The following CBLN2 variants were observed in gnomAD, a reference collection of about 807,000 sequenced individuals.
CBLN2 encodes the protein cerebellin-2.
In CBLN2, 7 loss-of-function variants were observed where a neutral mutation model predicts 15.0. The observed-to-expected ratio is 0.47, with a 90% confidence interval of 0.27 to 0.88. CBLN2 has a LOEUF of 0.88. CBLN2 is among the 40% of genes least tolerant of loss of function. The probability of loss-of-function intolerance (pLI) is 0.14; values close to 1 mark genes in which losing one functional copy is unlikely to be tolerated. For synonymous variants in CBLN2, 149 were observed against 135.2 expected (o/e 1.10, Z -0.71); for missense variants, 242 against 304.5 (o/e 0.79, Z 1.53).
chr18:72,627,850 A>G (rs1443918296), intron 1 of CBLN2, among the ~76,000 whole-genome samples: 1 of 152,218 alleles, frequency 6.6e-6, no homozygotes, highest in East Asian at 1.9e-4. Flanking sequence ...TCTTATATGT[A>G]TAGCTTCAGA....
chr18:72,606,318 A>C (rs1286580410), intron 1 of CBLN2, among the ~76,000 whole-genome samples: 1 of 152,168 alleles, frequency 6.6e-6, no homozygotes, highest in African/African-American at 2.4e-5. Context: ...TTTTCCACTA[A>C]TGTAGAACAG....
At position 72,541,797 on chromosome 18, in the gene CBLN2, G is replaced by A. The variant is rs765376241; in HGVS notation, c.357+7C>T. ...CTGGGGGCGGGGTGGGCAGGCCGAC[G>A]GCTGACCTGGTCGAAATAGATGGTC... is the stretch of plus-strand genomic sequence containing the variant. On this transcript the variant is annotated splice_region_variant and intron_variant, in intron 3 of 4. Coordinates refer to ENST00000269503, the MANE Select transcript of CBLN2 (RefSeq NM_182511.4). The A allele has an allele frequency of 5.9e-6, 9 of 1,532,404 alleles. No homozygotes were observed. The highest frequency in any genetic ancestry group is 1.8e-5 in the Admixed American group (1 of 54,782). The allele number at this position is 1,532,404 out of a possible 1,614,324, so 94.9% of individuals were successfully genotyped here.
At position 72,542,161 on chromosome 18, in the gene CBLN2, C is replaced by A. The variant is rs571955202; in HGVS notation, c.-1G>T. On this transcript the variant is annotated 5_prime_UTR_variant, in exon 3 of 5. Coordinates refer to ENST00000269503, the MANE Select transcript of CBLN2 (RefSeq NM_182511.4). ...GTGGCCCCCGGCCGGGCGCCTGCAT[C>A]GGGACTGGTGGGAGGCGGCGCGCGG... The A allele has an allele frequency of 7.7e-7, 1 of 1,296,740 alleles. No homozygotes were observed. The highest frequency in any genetic ancestry group is 1.6e-5 in the African/African-American group (1 of 63,988). 80.3% of individuals were successfully genotyped at this position (1,296,740 alleles called of 1,614,324 possible).
At chr18:72,589,434 G>A (rs76733757) in intron 1 of CBLN2, among the ~76,000 whole-genome samples, 9,562 of 152,232 alleles carry the variant, frequency 0.063, 293 homozygotes, top group East Asian at 0.093. Context: ...TAACCCTGGA[G>A]TTTGGGATAG....
chr18:72,562,902 A>AAAG (rs2069270828), intron 1 of CBLN2, among the ~76,000 whole-genome samples: 1 of 152,246 alleles, frequency 6.6e-6, no homozygotes, highest in Admixed American at 6.5e-5. Context: ...GTTTTAAACT[A>AAAG]CAGGAAATTG....
rs1170150316 is a variant in CBLN2 at position 72,543,594 on chromosome 18, C to G, written c.-211-64G>C. On this transcript the variant is annotated intron_variant, in intron 1 of 4. Coordinates refer to ENST00000269503, the MANE Select transcript of CBLN2 (RefSeq NM_182511.4). This position sits in a 1 kb window ranked among gnomAD's most constrained non-coding sequence, Gnocchi z 6.8. Reference sequence around the variant, plus strand: ...GGAGGACACGGAGCGCGACCCTGCTCCCAGCGCGTGGCCAATAACCGCGCC... The same window carrying G: ...GGAGGACACGGAGCGCGACCCTGCTGCCAGCGCGTGGCCAATAACCGCGCC... 5.1e-6 allele frequency: 2 copies of G among 395,700 alleles called. No homozygotes were observed. The highest frequency in any genetic ancestry group is 4.1e-5 in the African/African-American group (2 of 48,518). The allele number at this position is 395,700 out of a possible 1,614,324, so 24.5% of individuals were successfully genotyped here.
Position 72,636,142 on chromosome 18 carries a change from C to A in CBLN2, c.15+2183G>T, listed in dbSNP as rs116735477. Among the ~76,000 whole-genome samples the A allele has an allele frequency of 4.0e-3, 608 of 152,210 alleles. 4 individuals are homozygous for A. The highest frequency in any genetic ancestry group is 0.014 in the African/African-American group (572 of 41,548). ...TTAATCTTTGGACATTTACATTATC[C>A]AAATTCAAATTTAATTTTCTTTATA... On this transcript the variant is annotated intron_variant, in intron 1 of 2. Transcript: ENST00000581073.
intron 1 of CBLN2, among the ~76,000 whole-genome samples, chr18:72,630,108 T>G (rs1388960545): frequency 6.6e-6 from 1 of 152,184 alleles, no homozygotes; most frequent in Non-Finnish European, 1.5e-5. Context: ...TTACCATGGC[T>G]TCATACGCTT....
chr18:72,574,639 C>A (rs2069353181), intron 1 of CBLN2, among the ~76,000 whole-genome samples: 1 of 152,054 alleles, frequency 6.6e-6, no homozygotes, highest in Admixed American at 6.6e-5. Flanking sequence ...TATATGGGTG[C>A]AGATGCTAGA....
chr18:72,624,068 C>A (rs2069718201), intron 1 of CBLN2, among the ~76,000 whole-genome samples: 1 of 152,252 alleles, frequency 6.6e-6, no homozygotes, highest in Admixed American at 6.5e-5. Flanking sequence ...CTCTCTTCAT[C>A]TCATTCAGAA....
At chr18:72,631,440 A>G (rs2069775869) in intron 1 of CBLN2, among the ~76,000 whole-genome samples, 1 of 152,162 alleles carries the variant, frequency 6.6e-6, no homozygotes. Context: ...TATTAAAAAA[A>G]AAAAAACTTT....
intron 1 of CBLN2, among the ~76,000 whole-genome samples, chr18:72,630,588 G>GAGAGAGAGAGAGAGAT (rs1568137265): frequency 6.6e-6 from 1 of 150,484 alleles, no homozygotes; most frequent in Admixed American, 6.7e-5. Context: ...GAGAGAGAGA[G>GAGAGAGAGAGAGAGAT]GCTTTCTGTA....
intron 1 of CBLN2, among the ~76,000 whole-genome samples, chr18:72,578,847 TAA>T (rs1332772244): frequency 1.8e-4 from 28 of 152,170 alleles, no homozygotes; most frequent in African/African-American, 6.8e-4. Context: ...CGGCATAAAG[TAA>T]AATCAATATT....
chr18:72,601,485 G>A (rs1339935396), intron 1 of CBLN2, among the ~76,000 whole-genome samples: 7 of 152,088 alleles, frequency 4.6e-5, no homozygotes, highest in Admixed American at 6.5e-5. Flanking sequence ...GCAAGCAGGC[G>A]TCTCCATGCA....
At chr18:72,608,802 G>A (rs1348895138) in intron 1 of CBLN2, among the ~76,000 whole-genome samples, 1 of 152,178 alleles carries the variant, frequency 6.6e-6, no homozygotes, top group Admixed American at 6.5e-5. Context: ...AAGGAAAGAG[G>A]TTTAATGGGC....
At chr18:72,553,066 T>G (rs963074958) in intron 1 of CBLN2, among the ~76,000 whole-genome samples, 10 of 152,216 alleles carry the variant, frequency 6.6e-5, no homozygotes, top group Admixed American at 3.3e-4. Flanking sequence ...TATGTGAACT[T>G]TGTGCAAAAT....
chr18:72,594,048 C>T (rs1272560143), intron 1 of CBLN2, among the ~76,000 whole-genome samples: 1 of 152,144 alleles, frequency 6.6e-6, no homozygotes, highest in East Asian at 1.9e-4. Context: ...AAACCAAATA[C>T]CACATGTTCT....
At chr18:72,583,488 G>T (rs886266445) in intron 1 of CBLN2, among the ~76,000 whole-genome samples, 11 of 152,062 alleles carry the variant, frequency 7.2e-5, no homozygotes, top group Admixed American at 5.9e-4. Context: ...TGCCAAAGCA[G>T]GTGTGAATGA....
chr18:72,603,090 G>T (rs559076039), intron 1 of CBLN2, among the ~76,000 whole-genome samples: 1 of 152,354 alleles, frequency 6.6e-6, no homozygotes, highest in South Asian at 2.1e-4. Context: ...TATGTTACAT[G>T]TATATGCCAT....
Sources: gnomAD v4.1 joint callset for allele counts (sites outside exome capture counted in the v4.1 genomes callset) on GRCh38, gnomAD v4.1.1 for gene constraint, Gnocchi (gnomAD v3.1) non-coding constraint, MANE v1.5 for transcripts, NCBI Gene and HGNC (gene_info 2026-07-23, HGNC 2026-07-21) for gene names.